CAMK2G: variants seen among roughly 807,000 people sequenced by gnomAD.
The protein encoded by CAMK2G is calcium/calmodulin-dependent protein kinase type II subunit gamma.
In CAMK2G, 23 loss-of-function variants were observed where a neutral mutation model predicts 88.7. The ratio of observed to expected loss-of-function variants is 0.26; its 90% CI spans 0.19 to 0.37. The LOEUF (loss-of-function observed/expected upper bound fraction) is 0.37, where lower values mean the gene tolerates loss of function less well. Ranked by LOEUF, CAMK2G falls within the 10% of genes least tolerant of loss-of-function variation. The pLI is 1.00. For missense variants in CAMK2G, 476 were observed against 780.8 expected (o/e 0.61, Z 4.65); for synonymous variants, 263 against 294.8 (o/e 0.89, Z 1.11).
At chr10:73,815,369 G>GC (rs57601302) in intron 21 of CAMK2G, 122 bp from the exon 22 acceptor site, 86,843 of 620,372 alleles carry the variant, frequency 0.14, 5,125 homozygotes, top group African/African-American at 0.31. Flanking sequence ...TCCAAGTACC[G>GC]CCCCCCCCCA....
At chr10:73,872,765 G>A (rs1193004555) in intron 2 of CAMK2G, among the ~76,000 whole-genome samples, 1 of 152,168 alleles carries the variant, frequency 6.6e-6, no homozygotes, top group Non-Finnish European at 1.5e-5. Flanking sequence ...GGGGGCCACT[G>A]CAGCTACTTG....
intron 18 of CAMK2G, among the ~76,000 whole-genome samples, chr10:73,820,463 T>TA (rs1491483476): frequency 1.2e-3 from 94 of 75,878 alleles, no homozygotes; most frequent in African/African-American, 1.6e-3. Context: ...GGGTTTTATA[T>TA]TTATATATAT....
rs57601302 is a variant in CAMK2G, at chr10:73,815,369, G to GCCCCCCCCCCCCCCCCCCC, written c.1535-123_1535-122insGGGGGGGGGGGGGGGGGGG. On this transcript the variant is annotated intron_variant, in intron 21 of 22. Coordinates refer to ENST00000423381, the MANE Select transcript of CAMK2G (RefSeq NM_001367534.1). ...ACCACTCCCAGAATCTCCAAGTACCGCCCCCCCCCACCCCCGAACCCCTGA... is the reference window on the plus strand; with the variant it reads ...ACCACTCCCAGAATCTCCAAGTACCGCCCCCCCCCCCCCCCCCCCCCCCCCCCCACCCCCGAACCCCTGA... 8.1e-6 allele frequency: 5 copies of GCCCCCCCCCCCCCCCCCCC among 619,306 alleles called. No individual in the cohort carries two copies. In the African/African-American group the frequency reaches 8.3e-5, roughly 10 times the overall value. The allele number at this position is 619,306 out of a possible 1,614,324, so 38.4% of individuals were successfully genotyped here.
At position 73,813,847 on chromosome 10, in the gene CAMK2G, C is replaced by T. The variant is rs1178092312; in HGVS notation, c.*671G>A. The T allele has an allele frequency of 6.6e-6, 1 of 152,610 alleles. No individual in the cohort carries two copies. The highest frequency in any genetic ancestry group is 1.5e-5 in the Non-Finnish European group (1 of 68,052). 9.5% of individuals were successfully genotyped at this position (152,610 alleles called of 1,614,324 possible). ...TCTGCAGCACCAATTCTCTTCCCTT[C>T]TACACTAAACAAGACAGTACAGCAA... is the stretch of plus-strand genomic sequence containing the variant. On this transcript the variant is annotated 3_prime_UTR_variant, in exon 23 of 23. Coordinates refer to ENST00000423381, the MANE Select transcript of CAMK2G (RefSeq NM_001367534.1).
Position 73,821,749 on chromosome 10 carries a change from A to C in CAMK2G, c.1201-19T>G. The C allele has an allele frequency of 6.3e-7, 1 of 1,598,952 alleles. No homozygotes were observed. Among genetic ancestry groups the C allele is most frequent in the Non-Finnish European group, 8.6e-7 (1 of 1,168,546 alleles). On this transcript the variant is annotated intron_variant, in intron 17 of 22. Transcript: ENST00000423381. ...TGGAGCCCTGTAGGCCAAAAAGAAC[A>C]TGTTTCTATATGCTCCATCCCTTGG...
intron 14 of CAMK2G, among the ~76,000 whole-genome samples, chr10:73,834,931 A>G (rs894855537): frequency 1.3e-5 from 2 of 152,112 alleles, no homozygotes; most frequent in Admixed American, 6.6e-5. Flanking sequence ...ATTTTATGCA[A>G]TTGCTCTTCC....
chr10:73,817,952 C>G (rs530288892), intron 19 of CAMK2G, among the ~76,000 whole-genome samples: 2 of 152,214 alleles, frequency 1.3e-5, no homozygotes, highest in African/African-American at 4.8e-5. Context: ...CCCCAATTTA[C>G]TTCTCTCACC....
chr10:73,817,836 G>C, intron 19 of CAMK2G: 1 of 506,120 alleles, frequency 2.0e-6, no homozygotes, highest in Non-Finnish European at 3.6e-6. Flanking sequence ...CAGAAAACAC[G>C]CTTGCCTTTA....
Position 73,848,969 on chromosome 10 carries a change from G to A in CAMK2G, c.517+44C>T. The A allele has an allele frequency of 8.3e-7, 1 of 1,208,584 alleles. No homozygotes were observed. Among genetic ancestry groups the A allele is most frequent in the East Asian group, 2.3e-5 (1 of 43,042 alleles). The allele number at this position is 1,208,584 out of a possible 1,614,324, so 74.9% of individuals were successfully genotyped here. A position where few individuals can be genotyped will look rare whatever the true frequency, so the allele number is the denominator to read the frequency against. On this transcript the variant is annotated intron_variant, in intron 7 of 22. Transcript: ENST00000423381. This position sits in a 1 kb window ranked among gnomAD's most constrained non-coding sequence, Gnocchi z 4.5. ...AGAGGAAGGCAGATCAGGAAGAGGA[G>A]GAAGGGCGGGGGCTGCATTCCGGGA...
intron 14 of CAMK2G, among the ~76,000 whole-genome samples, chr10:73,828,488 T>C (rs992115019): frequency 6.6e-6 from 1 of 152,238 alleles, no homozygotes; most frequent in African/African-American, 2.4e-5. Context: ...GCTCACCCTG[T>C]AATGTTATTT....
At chr10:73,831,688 C>T (rs1425794284) in intron 14 of CAMK2G, among the ~76,000 whole-genome samples, 3 of 151,070 alleles carry the variant, frequency 2.0e-5, no homozygotes, top group Non-Finnish European at 4.4e-5. Flanking sequence ...TGGGCAACCC[C>T]GTCTCTACTA....
intron 14 of CAMK2G, among the ~76,000 whole-genome samples, chr10:73,832,901 C>A (rs144870098): frequency 1.3e-5 from 2 of 151,372 alleles, no homozygotes; most frequent in African/African-American, 4.9e-5. Flanking sequence ...ACTATAGGTA[C>A]GCACCACTGT....
chr10:73,831,088 C>G (rs920735477), intron 14 of CAMK2G, among the ~76,000 whole-genome samples: 1 of 152,178 alleles, frequency 6.6e-6, no homozygotes, highest in Non-Finnish European at 1.5e-5. Flanking sequence ...TTGTCCTCTC[C>G]TTTTCGTTTC....
At chr10:73,843,075 AT>A (rs11354408) in intron 10 of CAMK2G, among the ~76,000 whole-genome samples, 50,819 of 144,834 alleles carry the variant, frequency 0.35, 9,393 homozygotes, top group East Asian at 0.67. Flanking sequence ...TCTGGATGTA[AT>A]TTTTTTTTTT....
intron 10 of CAMK2G, chr10:73,846,858 G>A (rs1478430348): frequency 1.9e-5 from 4 of 210,486 alleles, no homozygotes; most frequent in African/African-American, 9.1e-5. Flanking sequence ...CACCACTCCA[G>A]TGGAGTTGAG....
intron 14 of CAMK2G, among the ~76,000 whole-genome samples, chr10:73,829,463 T>A (rs1565247382): frequency 6.6e-6 from 1 of 151,230 alleles, no homozygotes; most frequent in African/African-American, 2.4e-5. Context: ...CCCCACTGAT[T>A]TTTTTTTGTA....
At chr10:73,830,218 T>C (rs908013262) in intron 14 of CAMK2G, among the ~76,000 whole-genome samples, 32 of 152,242 alleles carry the variant, frequency 2.1e-4, no homozygotes, top group Admixed American at 2.0e-3. Context: ...CCCTTAGCCA[T>C]GCATAGCTGG....
At chr10:73,869,262 AG>A (rs1420917563) in intron 2 of CAMK2G, among the ~76,000 whole-genome samples, 1 of 152,248 alleles carries the variant, frequency 6.6e-6, no homozygotes, top group African/African-American at 2.4e-5. Context: ...ACTAGTACTC[AG>A]GGTGATCCTT....
intron 2 of CAMK2G, among the ~76,000 whole-genome samples, chr10:73,869,572 T>C (rs1009442307): frequency 2.0e-5 from 3 of 152,184 alleles, no homozygotes; most frequent in Admixed American, 6.5e-5. Context: ...GCAACCATGA[T>C]TGGTTACATA....
Sources: gnomAD v4.1 joint callset for allele counts (sites outside exome capture counted in the v4.1 genomes callset) on GRCh38, gnomAD v4.1.1 for gene constraint, Gnocchi (gnomAD v3.1) non-coding constraint, MANE v1.5 for transcripts, NCBI Gene and HGNC (gene_info 2026-07-23, HGNC 2026-07-21) for gene names.